The following MYT1L variants were observed in gnomAD, a reference collection of about 807,000 sequenced individuals.
MYT1L encodes the protein myelin transcription factor 1-like protein.
Under a neutral mutation model 126.7 loss-of-function variants are expected in MYT1L, and 12 were observed. That is an observed-to-expected ratio of 0.09 (90% CI 0.06 to 0.15). The LOEUF (loss-of-function observed/expected upper bound fraction) is 0.15, where lower values mean the gene tolerates loss of function less well. Ranked by LOEUF, MYT1L falls within the 10% of genes least tolerant of loss-of-function variation. The pLI, the probability that MYT1L is intolerant of heterozygous loss-of-function variation, is 1.00. For missense variants in MYT1L, 979 were observed against 1,585.2 expected (o/e 0.62, Z 6.49); for synonymous variants, 541 against 604.2 (o/e 0.90, Z 1.53).
At chr2:1,988,093 G>A (rs757950965) in intron 5 of MYT1L, among the ~76,000 whole-genome samples, 11 of 152,114 alleles carry the variant, frequency 7.2e-5, no homozygotes, top group Non-Finnish European at 1.2e-4. Flanking sequence ...ATCTTCATGT[G>A]CTTGTGAGAC....
At chr2:1,998,249 T>C (rs1331943516) in intron 4 of MYT1L, among the ~76,000 whole-genome samples, 1 of 152,214 alleles carries the variant, frequency 6.6e-6, no homozygotes, top group Non-Finnish European at 1.5e-5. Flanking sequence ...CTGGGCTGTT[T>C]TGAACCTCAA....
intron 3 of MYT1L, among the ~76,000 whole-genome samples, chr2:2,087,510 C>T (rs1316926168): frequency 2.0e-5 from 3 of 152,190 alleles, no homozygotes; most frequent in African/African-American, 7.2e-5. Flanking sequence ...GGGGATCACA[C>T]AGCATTTGGC....
At chr2:1,877,678 A>G (rs946400736) in intron 18 of MYT1L, among the ~76,000 whole-genome samples, 1 of 152,156 alleles carries the variant, frequency 6.6e-6, no homozygotes, top group African/African-American at 2.4e-5. Context: ...GTGCTGGGAC[A>G]GGCAGGGGTT....
At chr2:1,871,564 T>A (rs13425807) in intron 18 of MYT1L, among the ~76,000 whole-genome samples, 2 of 152,152 alleles carry the variant, frequency 1.3e-5, no homozygotes, top group African/African-American at 4.8e-5. Flanking sequence ...GAAAGTTGAA[T>A]TGACTTGCAG....
chr2:2,171,907 C>G (rs987750141), intron 3 of MYT1L, among the ~76,000 whole-genome samples: 1 of 152,094 alleles, frequency 6.6e-6, no homozygotes, highest in Admixed American at 6.6e-5. Flanking sequence ...GGTCGGCAGA[C>G]AAATAAATCA....
chr2:2,090,636 C>T (rs969155386), intron 3 of MYT1L, among the ~76,000 whole-genome samples: 10 of 152,118 alleles, frequency 6.6e-5, no homozygotes, highest in African/African-American at 9.7e-5. Flanking sequence ...TATTGGAAAA[C>T]TTCTATTGGA....
chr2:2,203,229 T>A (rs2093164340), intron 2 of MYT1L, among the ~76,000 whole-genome samples: 1 of 148,300 alleles, frequency 6.7e-6, no homozygotes, highest in Non-Finnish European at 1.5e-5. Context: ...GGATGCCCTC[T>A]CTCACCACTC....
intron 18 of MYT1L, among the ~76,000 whole-genome samples, chr2:1,867,681 C>T (rs773265892): frequency 2.6e-5 from 4 of 152,182 alleles, no homozygotes; most frequent in Non-Finnish European, 4.4e-5. Flanking sequence ...ATGGAGGCTG[C>T]ATATGCCTCT....
chr2:2,280,242 A>T (rs1158260537), intron 2 of MYT1L, among the ~76,000 whole-genome samples: 2 of 152,216 alleles, frequency 1.3e-5, no homozygotes, highest in East Asian at 3.9e-4. Context: ...GGTCATTTTA[A>T]TGAATTCACC....
chr2:2,159,277 G>A (rs1283546716), intron 3 of MYT1L, among the ~76,000 whole-genome samples: 3 of 152,154 alleles, frequency 2.0e-5, no homozygotes, highest in African/African-American at 7.2e-5. Context: ...CGCTAACTTG[G>A]AAATGGGGTC....
At chr2:2,177,580 T>C (rs1324390583) in intron 2 of MYT1L, among the ~76,000 whole-genome samples, 1 of 152,156 alleles carries the variant, frequency 6.6e-6, no homozygotes, top group Non-Finnish European at 1.5e-5. Flanking sequence ...TTTAAATGAC[T>C]CACAGCTCCA....
intron 4 of MYT1L, among the ~76,000 whole-genome samples, chr2:2,047,294 T>C (rs937774613): frequency 1.4e-4 from 21 of 152,196 alleles, no homozygotes; most frequent in African/African-American, 3.1e-4. Flanking sequence ...TTCCCACCCA[T>C]AGATTTTACG....
At chr2:1,804,008 A>T (rs2035288839) in intron 22 of MYT1L, among the ~76,000 whole-genome samples, 1 of 152,146 alleles carries the variant, frequency 6.6e-6, no homozygotes, top group South Asian at 2.1e-4. Context: ...AATTCTCCTT[A>T]TCCCTGCAGC....
At chr2:2,009,908 T>C (rs1205249369) in intron 4 of MYT1L, among the ~76,000 whole-genome samples, 3 of 150,208 alleles carry the variant, frequency 2.0e-5, no homozygotes, top group African/African-American at 2.5e-5. Context: ...GTTTTTTTTT[T>C]TTTTTTTTTT....
chr2:2,272,373 G>A (rs1426714862), intron 2 of MYT1L, among the ~76,000 whole-genome samples: 11 of 152,102 alleles, frequency 7.2e-5, no homozygotes, highest in African/African-American at 2.2e-4. Context: ...CCCCGCCCTC[G>A]CTGAGCCCTG....
At chr2:1,986,519 C>G (rs2061034139) in intron 5 of MYT1L, among the ~76,000 whole-genome samples, 1 of 152,190 alleles carries the variant, frequency 6.6e-6, no homozygotes. Flanking sequence ...AACCAAGTCT[C>G]AAAGGCTTCG....
chr2:2,010,947 C>T (rs933687925), intron 4 of MYT1L, among the ~76,000 whole-genome samples: 6 of 152,318 alleles, frequency 3.9e-5, no homozygotes, highest in Admixed American at 2.0e-4. Context: ...AACCGGATAT[C>T]CCCATGCAAA....
intron 8 of MYT1L, among the ~76,000 whole-genome samples, chr2:1,956,549 C>CTATCTATCTATCT (rs1553355524): frequency 2.2e-5 from 3 of 139,046 alleles, no homozygotes; most frequent in African/African-American, 8.1e-5. Flanking sequence ...ATCTATCTAT[C>CTATCTATCTATCT]ATCTATCCTA....
chr2:1,996,709 C>T (rs1308374515), intron 5 of MYT1L, among the ~76,000 whole-genome samples: 3 of 134,004 alleles, frequency 2.2e-5, no homozygotes, highest in Non-Finnish European at 3.1e-5. Flanking sequence ...AGATGGGCCG[C>T]CTTTACCTAG....
Sources: gnomAD v4.1 joint callset for allele counts (sites outside exome capture counted in the v4.1 genomes callset) on GRCh38, gnomAD v4.1.1 for gene constraint, MANE v1.5 for transcripts, NCBI Gene and HGNC (gene_info 2026-07-23, HGNC 2026-07-21) for gene names.